Variants in MACROD2 observed in about 807,000 individuals in gnomAD.
MACROD2 encodes mono-ADP ribosylhydrolase 2, also known as ADP-ribose glycohydrolase MACROD2.
In MACROD2, 36 loss-of-function variants were observed where a neutral mutation model predicts 70.4. The observed-to-expected ratio is 0.51, with a 90% confidence interval of 0.39 to 0.68. The LOEUF is 0.68. MACROD2 is among the 30% of genes least tolerant of loss of function. The pLI is 0.00. For missense variants in MACROD2, 496 were observed against 538.4 expected (o/e 0.92, Z 0.78); for synonymous variants, 172 against 178.8 (o/e 0.96, Z 0.30).
At chr20:14,068,514 A>G (rs1343900963) in intron 2 of MACROD2, among the ~76,000 whole-genome samples, 1 of 152,180 alleles carries the variant, frequency 6.6e-6, no homozygotes, top group Non-Finnish European at 1.5e-5. Context: ...GGATATGATA[A>G]ATGTCATGAG....
chr20:15,499,803 G>T lies in MACROD2; in HGVS notation c.601G>T (p.Ala201Ser). 2 of 1,613,728 alleles carry T rather than the reference G, an allele frequency of 1.2e-6. No homozygotes were observed. Among genetic ancestry groups the T allele is most frequent in the South Asian group, 1.1e-5 (1 of 91,058 alleles). The change falls in exon 8 of 18, where the codon GCC (alanine) becomes TCC (serine). Residue 201 changes from alanine to serine, a missense_variant. Physicochemically the swap from Ala to Ser is moderately conservative, Grantham distance 99. Coordinates refer to ENST00000684519, the MANE Select transcript of MACROD2 (RefSeq NM_001351661.2). ...TCCCAACGAGCCTGCTGCAGTCATTGCCCTCAACACCATTAAGGAATGGCT... is the reference window on the plus strand; with the variant it reads ...TCCCAACGAGCCTGCTGCAGTCATTTCCCTCAACACCATTAAGGAATGGCT... ...GFPNEPAAVI[A>S]LNTIKEWLAK...
At chr20:14,196,081 G>A (rs1463692101) in intron 3 of MACROD2, among the ~76,000 whole-genome samples, 3 of 152,130 alleles carry the variant, frequency 2.0e-5, no homozygotes, top group Admixed American at 1.3e-4. Flanking sequence ...CAGCCTGCCC[G>A]TCTGTATGCT....
intron 3 of MACROD2, among the ~76,000 whole-genome samples, chr20:14,384,790 C>T (rs2083454273): frequency 6.6e-6 from 1 of 152,078 alleles, no homozygotes; most frequent in South Asian, 2.1e-4. Context: ...ATAATTTTTG[C>T]TAAGTGAAAT....
At chr20:15,643,722 C>T (rs781349824) in intron 8 of MACROD2, among the ~76,000 whole-genome samples, 7 of 152,178 alleles carry the variant, frequency 4.6e-5, no homozygotes, top group Non-Finnish European at 8.8e-5. Flanking sequence ...TAAATCACTA[C>T]AAAAATCTTA....
chr20:14,466,325 T>C (rs967405015), intron 3 of MACROD2, among the ~76,000 whole-genome samples: 5 of 152,156 alleles, frequency 3.3e-5, no homozygotes, highest in African/African-American at 9.7e-5. Context: ...GTTGATTGCA[T>C]TGGTTACTGA....
intron 3 of MACROD2, among the ~76,000 whole-genome samples, chr20:14,483,239 G>T (rs2084682947): frequency 6.6e-6 from 1 of 152,102 alleles, no homozygotes; most frequent in Non-Finnish European, 1.5e-5. Flanking sequence ...CGTCTTAATG[G>T]TTGGTTTTAG....
At chr20:15,835,804 C>T (rs572340900) in intron 8 of MACROD2, among the ~76,000 whole-genome samples, 1 of 151,178 alleles carries the variant, frequency 6.6e-6, no homozygotes, top group South Asian at 2.1e-4. Context: ...AAAACTAGCA[C>T]TAGAGCTTTG....
At chr20:14,203,064 C>T (rs2081493507) in intron 3 of MACROD2, among the ~76,000 whole-genome samples, 1 of 149,950 alleles carries the variant, frequency 6.7e-6, no homozygotes, top group South Asian at 2.1e-4. Context: ...AAAAAAAAGG[C>T]ACTAACTCTA....
chr20:15,938,691 G>A (rs1020168056), intron 12 of MACROD2, among the ~76,000 whole-genome samples: 12 of 152,118 alleles, frequency 7.9e-5, no homozygotes, highest in African/African-American at 2.9e-4. Context: ...CATGTGATAG[G>A]AAGAGTTGCA....
intron 8 of MACROD2, among the ~76,000 whole-genome samples, chr20:15,705,494 A>G (rs2050519911): frequency 1.3e-5 from 2 of 152,090 alleles, no homozygotes; most frequent in Admixed American, 6.6e-5. Context: ...ATCTCAGCTC[A>G]CTGGAACCTC....
chr20:14,197,766 CA>C (rs113046439), intron 3 of MACROD2, among the ~76,000 whole-genome samples: 12 of 140,916 alleles, frequency 8.5e-5, no homozygotes, highest in South Asian at 4.5e-4. Context: ...GACTCCATCT[CA>C]AAAAAAAAAG....
At chr20:15,868,603 C>CTT (rs5840688) in intron 9 of MACROD2, among the ~76,000 whole-genome samples, 18,030 of 135,506 alleles carry the variant, frequency 0.13, 1,521 homozygotes, top group South Asian at 0.25. Flanking sequence ...TAATACTTTT[C>CTT]TTTTTTTTTT....
intron 6 of MACROD2, among the ~76,000 whole-genome samples, chr20:15,301,826 C>G (rs541919820): frequency 6.6e-6 from 1 of 152,068 alleles, no homozygotes; most frequent in Non-Finnish European, 1.5e-5. Flanking sequence ...ATTTAGCTTT[C>G]CCCTTCCATC....
At chr20:14,984,764 G>A (rs1013268933) in intron 5 of MACROD2, among the ~76,000 whole-genome samples, 5 of 152,156 alleles carry the variant, frequency 3.3e-5, no homozygotes, top group African/African-American at 9.7e-5. Flanking sequence ...TCAGAGATCT[G>A]TGGGGACTGT....
chr20:15,397,401 TTC>T (rs1351015014), intron 6 of MACROD2, among the ~76,000 whole-genome samples: 1 of 152,146 alleles, frequency 6.6e-6, no homozygotes, highest in Non-Finnish European at 1.5e-5. Flanking sequence ...GCTCAGGTGA[TTC>T]TCTCACCTCA....
intron 5 of MACROD2, among the ~76,000 whole-genome samples, chr20:14,832,346 T>C (rs541161408): frequency 6.6e-6 from 1 of 151,882 alleles, no homozygotes; most frequent in East Asian, 1.9e-4. Flanking sequence ...GGTGAAAATA[T>C]TGTGTTTTGC....
At chr20:14,447,254 G>A (rs932974661) in intron 3 of MACROD2, among the ~76,000 whole-genome samples, 2 of 152,062 alleles carry the variant, frequency 1.3e-5, no homozygotes, top group African/African-American at 4.8e-5. Flanking sequence ...TCCTGACCTT[G>A]TGATTCACCT....
At chr20:14,372,059 T>C (rs1379391981) in intron 3 of MACROD2, among the ~76,000 whole-genome samples, 1 of 152,134 alleles carries the variant, frequency 6.6e-6, no homozygotes, top group Non-Finnish European at 1.5e-5. Flanking sequence ...TCCTGGTCCG[T>C]GAGGGCAGGG....
Position 15,345,384 on chromosome 20 carries a change from A to G in MACROD2, c.541-86021A>G, listed in dbSNP as rs190338689. Among the ~76,000 whole-genome samples, 57 of 152,330 alleles carry G rather than the reference A, an allele frequency of 3.7e-4. No individual in the cohort carries two copies. The East Asian group carries it at 0.011, about 29-fold the overall frequency. On this transcript the variant is annotated intron_variant, in intron 6 of 17. Coordinates refer to ENST00000684519, the MANE Select transcript of MACROD2 (RefSeq NM_001351661.2). The stretch of plus-strand genomic sequence containing the variant: ...ATGATCTCTGATTTTAATTGTCTGT[A>G]TCCAGCAGCCCATGCTGTAAGAGTA...
Sources: allele counts gnomAD v4.1 joint callset (sites outside exome capture counted in the v4.1 genomes callset), GRCh38; gene constraint gnomAD v4.1.1; transcripts MANE v1.5; gene names NCBI Gene and HGNC (gene_info 2026-07-23, HGNC 2026-07-21).